The following DISC1 variants were observed in gnomAD, a reference collection of about 807,000 sequenced individuals.
DISC1 encodes disrupted in schizophrenia 1 protein.
DISC1 carries 57 observed loss-of-function variants against 84.5 expected under a neutral mutation model. The ratio of observed to expected loss-of-function variants is 0.67; its 90% CI spans 0.55 to 0.84. The LOEUF is 0.84. DISC1 is among the 40% of genes least tolerant of loss of function. The pLI is 0.00. For synonymous variants in DISC1, 411 were observed against 415.2 expected (o/e 0.99, Z 0.12); for missense variants, 1,000 against 1,057.8 (o/e 0.95, Z 0.76).
chr1:231,799,264 C>T (rs1475475156), intron 7 of DISC1, among the ~76,000 whole-genome samples: 1 of 152,116 alleles, frequency 6.6e-6, no homozygotes, highest in Non-Finnish European at 1.5e-5. Flanking sequence ...TCAAATCTGA[C>T]TTGCCAGCAA....
intron 1 of DISC1, among the ~76,000 whole-genome samples, chr1:231,640,589 CATG>C (rs1035259465): frequency 4.7e-5 from 7 of 149,674 alleles, no homozygotes; most frequent in Admixed American, 1.3e-4. Context: ...AGTGCAGTGG[CATG>C]ATCACAGCTC....
chr1:231,971,007 G>A (rs1224217714), intron 10 of DISC1, among the ~76,000 whole-genome samples: 1 of 152,186 alleles, frequency 6.6e-6, no homozygotes, highest in East Asian at 1.9e-4. Context: ...ATGAGCCTGT[G>A]CACCCATTAT....
chr1:231,691,108 C>T (rs1023097261), intron 1 of DISC1, among the ~76,000 whole-genome samples: 1 of 152,076 alleles, frequency 6.6e-6, no homozygotes, highest in Non-Finnish European at 1.5e-5. Context: ...ATTTCAGGAC[C>T]TTTGGTTGAG....
intron 9 of DISC1, among the ~76,000 whole-genome samples, chr1:231,860,270 A>G (rs1232668782): frequency 1.3e-5 from 2 of 152,230 alleles, no homozygotes; most frequent in Admixed American, 1.3e-4. Flanking sequence ...GACACATTCA[A>G]CATAATAATG....
chr1:231,865,130 G>A lies in DISC1; in HGVS notation c.1981+46613G>A, dbSNP rs562335223. Among the ~76,000 whole-genome samples, 11 of 152,328 alleles carry A rather than the reference G, an allele frequency of 7.2e-5. No individual in the cohort carries two copies. In the East Asian group the frequency reaches 1.2e-3, roughly 16 times the overall value. ...GAACTCACTCCATTTGCCGAGGTCCGACAAGTGTGTAGGTGAGCTGGAGCC... is the reference window on the plus strand; with the variant it reads ...GAACTCACTCCATTTGCCGAGGTCCAACAAGTGTGTAGGTGAGCTGGAGCC... On this transcript the variant is annotated intron_variant, in intron 9 of 12. Coordinates refer to ENST00000439617, the MANE Select transcript of DISC1 (RefSeq NM_018662.3).
chr1:231,687,674 T>G (rs58827835), intron 1 of DISC1, among the ~76,000 whole-genome samples: 239 of 152,334 alleles, frequency 1.6e-3, no homozygotes, highest in African/African-American at 5.5e-3. Context: ...AAAATGCACT[T>G]TCTGTTGGAC....
intron 1 of DISC1, among the ~76,000 whole-genome samples, chr1:231,677,943 C>A (rs757056677): frequency 9.2e-5 from 14 of 151,990 alleles, no homozygotes; most frequent in Non-Finnish European, 1.9e-4. Context: ...TGCCATTGCA[C>A]TCCAGCCTGG....
chr1:231,675,682 T>C lies in DISC1; in HGVS notation c.68-18144T>C, dbSNP rs191764012. On this transcript the variant is annotated intron_variant, in intron 1 of 12. Transcript: ENST00000439617. The surrounding 1 kb of genome is among the most constrained non-coding windows in gnomAD (Gnocchi z 4.1). Reference sequence around the variant, plus strand: ...CCATGTGCGCCATTGCCCTTATCCCTTGGGGGCTCTCTGGATGAGGGCTTT... The same window carrying C: ...CCATGTGCGCCATTGCCCTTATCCCCTGGGGGCTCTCTGGATGAGGGCTTT... Among the ~76,000 whole-genome samples the C allele has an allele frequency of 1.3e-4, 20 of 152,210 alleles. No homozygotes were observed. Among genetic ancestry groups the C allele is most frequent in the African/African-American group, 3.1e-4 (13 of 41,536 alleles).
intron 9 of DISC1, among the ~76,000 whole-genome samples, chr1:231,844,403 C>T (rs902538591): frequency 6.6e-6 from 1 of 152,130 alleles, no homozygotes; most frequent in African/African-American, 2.4e-5. Context: ...AGCTTCCATG[C>T]CCCCTCCAGG....
intron 9 of DISC1, among the ~76,000 whole-genome samples, chr1:231,947,993 CT>C (rs544986115): frequency 6.6e-6 from 1 of 152,188 alleles, no homozygotes; most frequent in Non-Finnish European, 1.5e-5. Context: ...AATAGGGATG[CT>C]TTTACACTGT....
intron 1 of DISC1, among the ~76,000 whole-genome samples, chr1:231,667,851 A>AT (rs984237973): frequency 5.3e-5 from 8 of 152,074 alleles, no homozygotes; most frequent in African/African-American, 1.9e-4. Context: ...AATGTTACTT[A>AT]TTTTTTCAAA....
chr1:231,697,481 C>T (rs1333868024), intron 2 of DISC1, among the ~76,000 whole-genome samples: 2 of 152,058 alleles, frequency 1.3e-5, no homozygotes, highest in Admixed American at 1.3e-4. Flanking sequence ...TCTCTGTCTT[C>T]CAGGCTGGGG....
intron 9 of DISC1, among the ~76,000 whole-genome samples, chr1:231,891,441 C>T (rs138934976): frequency 5.3e-5 from 8 of 152,210 alleles, no homozygotes; most frequent in East Asian, 3.9e-4. Context: ...TGTCATGCCA[C>T]GTGAGGAAGC....
chr1:231,712,500 C>A (rs1321371266), intron 3 of DISC1, among the ~76,000 whole-genome samples: 3 of 152,148 alleles, frequency 2.0e-5, no homozygotes, highest in Non-Finnish European at 4.4e-5. Context: ...AGCAACCAAG[C>A]AAACACTGAA....
At chr1:231,629,633 C>G (rs1473153915) in intron 1 of DISC1, 2 of 152,598 alleles carry the variant, frequency 1.3e-5, no homozygotes, top group Non-Finnish European at 2.9e-5. Flanking sequence ...CTTGGTGTCT[C>G]TGTCCTTGTA....
intron 9 of DISC1, among the ~76,000 whole-genome samples, chr1:231,827,073 C>G (rs1217056175): frequency 6.6e-6 from 1 of 152,140 alleles, no homozygotes; most frequent in Non-Finnish European, 1.5e-5. Flanking sequence ...ACTGCAACCT[C>G]CACCTCCCGG....
At chr1:231,808,887 A>G (rs73119162) in intron 8 of DISC1, among the ~76,000 whole-genome samples, 2,025 of 152,316 alleles carry the variant, frequency 0.013, 43 homozygotes, top group African/African-American at 0.047. Context: ...GTAGGAAACA[A>G]ATTCAAAAAG....
At chr1:231,724,629 C>A (rs2070364090) in intron 3 of DISC1, among the ~76,000 whole-genome samples, 1 of 152,170 alleles carries the variant, frequency 6.6e-6, no homozygotes, top group Non-Finnish European at 1.5e-5. Flanking sequence ...TGTATAGACA[C>A]AGATGCAAAC....
chr1:231,805,417 C>T (rs1373284439), intron 8 of DISC1, among the ~76,000 whole-genome samples: 1 of 151,940 alleles, frequency 6.6e-6, no homozygotes, highest in Non-Finnish European at 1.5e-5. Context: ...CTGGAGAGGC[C>T]TCAGGAAACT....
Sources: allele counts gnomAD v4.1 joint callset (sites outside exome capture counted in the v4.1 genomes callset), GRCh38; gene constraint gnomAD v4.1.1; non-coding constraint Gnocchi (gnomAD v3.1); transcripts MANE v1.5; gene names NCBI Gene and HGNC (gene_info 2026-07-23, HGNC 2026-07-21).